RTCA: variants seen among roughly 807,000 people sequenced by gnomAD.
RTCA encodes the protein RNA terminal phosphate cyclase domain 1.
Under a neutral mutation model 46.1 loss-of-function variants are expected in RTCA, and 37 were observed. The observed-to-expected ratio is 0.80, with a 90% CI of 0.62 to 1.06. The LOEUF is 1.06. RTCA is among the 50% of genes least tolerant of loss of function. The pLI is 0.00. For missense variants in RTCA, 435 were observed against 455.5 expected (o/e 0.95, Z 0.41); for synonymous variants, 164 against 158.3 (o/e 1.04, Z -0.27).
chr1:100,281,596 G>T (rs1475832010), intron 8 of RTCA, among the ~76,000 whole-genome samples: 3 of 152,194 alleles, frequency 2.0e-5, no homozygotes, highest in Non-Finnish European at 4.4e-5. Context: ...CTGCTGAAAT[G>T]AATTGTGCCT....
In RTCA at chr1:100,286,450, G is replaced by A. The variant is rs370476430; in HGVS notation, c.895-649G>A. Among the ~76,000 whole-genome samples the A allele has an allele frequency of 9.8e-3, 912 of 93,330 alleles. 20 individuals carry two copies. Among genetic ancestry groups the A allele is most frequent in the African/African-American group, 0.041 (846 of 20,410 alleles). The allele number at this position is 93,330 out of a possible 152,430, so 61.2% of individuals were successfully genotyped here. ...AGCCTGGGTGGCAGAGCAAGACTCC[G>A]TCTCAAAAAAAAAAAAAAAAAAAAA... On this transcript the variant is annotated intron_variant, in intron 9 of 10. Transcript: ENST00000370128.
intron 10 of RTCA, among the ~76,000 whole-genome samples, chr1:100,288,510 G>T (rs1667155876): frequency 6.6e-6 from 1 of 151,858 alleles, no homozygotes; most frequent in Non-Finnish European, 1.5e-5. Flanking sequence ...TCCCACCGCA[G>T]CCTCCCAAGT....
chr1:100,268,510 C>T (rs1382584900), intron 3 of RTCA, among the ~76,000 whole-genome samples: 1 of 152,134 alleles, frequency 6.6e-6, no homozygotes, highest in African/African-American at 2.4e-5. Context: ...GTCCTCCCAC[C>T]TCAGCCTCCT....
chr1:100,267,984 A>C, intron 2 of RTCA, 168 bp from the exon 3 acceptor site: 1 of 760,394 alleles, frequency 1.3e-6, no homozygotes, highest in Non-Finnish European at 2.1e-6. Flanking sequence ...ACTAGCAGGT[A>C]GTCTAGGTGC....
rs780390312 is a variant in RTCA, at chr1:100,274,941, C to T, written c.591C>T (p.Phe197=). The change falls in exon 6 of 11, where the codon TTC becomes TTT. Residue 197 remains phenylalanine, a synonymous_variant. Transcript: ENST00000370128. The stretch of plus-strand genomic sequence containing the variant: ...TGACTAAGATATATGGAAGAGCTTT[C>T]GTTGCTGGTGTTTTGCCATTTAAAG... ...GCVTKIYGRA[F]VAGVLPFKVA... The T allele has an allele frequency of 8.1e-6, 13 of 1,608,446 alleles. No individual in the cohort carries two copies. Among genetic ancestry groups the T allele is most frequent in the Middle Eastern group, 1.7e-4 (1 of 6,038 alleles).
chr1:100,268,036 T>A, intron 2 of RTCA, 116 bp from the exon 3 acceptor site: 5 of 1,439,268 alleles, frequency 3.5e-6, no homozygotes, highest in Non-Finnish European at 4.7e-6. Context: ...ATGTGGCACT[T>A]ACTGTGGTTA....
At chr1:100,277,907 A>G (rs1206695850) in intron 8 of RTCA, among the ~76,000 whole-genome samples, 8 of 151,942 alleles carry the variant, frequency 5.3e-5, no homozygotes, top group Admixed American at 5.2e-4. Flanking sequence ...TGATACTGAC[A>G]TTTTTAAGAG....
chr1:100,283,969 A>G (rs1228148995), intron 8 of RTCA, among the ~76,000 whole-genome samples: 2 of 133,218 alleles, frequency 1.5e-5, no homozygotes, highest in Non-Finnish European at 3.4e-5. Flanking sequence ...AGAAAAAACA[A>G]GAAAAACAAA....
intron 8 of RTCA, chr1:100,281,170 C>G (rs1570885668): frequency 9.5e-6 from 5 of 526,094 alleles, no homozygotes; most frequent in East Asian, 5.5e-5. Flanking sequence ...CCATTTTGAT[C>G]TTAGTTTCCT....
chr1:100,282,184 C>T (rs1177371871), intron 8 of RTCA, among the ~76,000 whole-genome samples: 3 of 152,178 alleles, frequency 2.0e-5, no homozygotes, highest in East Asian at 1.9e-4. Flanking sequence ...TTATTATGTT[C>T]AGTTGCTACA....
At position 100,281,516 on chromosome 1, in the gene RTCA, G is replaced by T. The variant is rs577275685; in HGVS notation, c.800-3712G>T. On this transcript the variant is annotated intron_variant, in intron 8 of 10. Transcript: ENST00000370128. ...ATGTGTTTTGTCTTTCCATTGTTGC[G>T]TATCTGTGTGATCTTTCATTACTCT... Among the ~76,000 whole-genome samples, 5 of 152,072 alleles carry T rather than the reference G, an allele frequency of 3.3e-5. No homozygotes were observed. The East Asian group carries it at 9.6e-4, about 29-fold the overall frequency.
chr1:100,283,160 CTT>C (rs71084815), intron 8 of RTCA, among the ~76,000 whole-genome samples: 1,768 of 102,112 alleles, frequency 0.017, 36 homozygotes, highest in South Asian at 0.042. Flanking sequence ...CCAAATATTC[CTT>C]TTTTTTTTTT....
rs1382444497 is a variant in RTCA at position 100,291,734 on chromosome 1, A to G, written c.*230A>G. 3 of 282,422 alleles carry G rather than the reference A, an allele frequency of 1.1e-5. No individual in the cohort carries two copies. Among genetic ancestry groups the G allele is most frequent in the East Asian group, 6.2e-5 (1 of 16,246 alleles). 17.5% of individuals were successfully genotyped at this position (282,422 alleles called of 1,614,324 possible). A position where few individuals can be genotyped will look rare whatever the true frequency, so the allele number is the denominator to read the frequency against. On this transcript the variant is annotated 3_prime_UTR_variant, in exon 11 of 11. Coordinates refer to ENST00000370128, the MANE Select transcript of RTCA (RefSeq NM_003729.4). ...TGGATATGTGTGATAGCTGATTTCA[A>G]TATTGAAGTATTGAAATAAAATATT... is the stretch of plus-strand genomic sequence containing the variant.
At chr1:100,285,401 T>C in intron 9 of RTCA, 79 bp downstream of exon 9, 3 of 991,568 alleles carry the variant, frequency 3.0e-6, no homozygotes, top group Non-Finnish European at 3.1e-6. Flanking sequence ...ATTTAAATAA[T>C]TGACTTTCAG....
At chr1:100,290,222 A>T (rs531258068) in intron 10 of RTCA, among the ~76,000 whole-genome samples, 3 of 152,252 alleles carry the variant, frequency 2.0e-5, no homozygotes, top group East Asian at 3.9e-4. Context: ...TTTTAGGCAT[A>T]TTTGAAATCC....
At chr1:100,273,497 A>T in intron 5 of RTCA, 45 bp downstream of exon 5, 1 of 1,249,606 alleles carries the variant, frequency 8.0e-7, no homozygotes, top group Non-Finnish European at 1.1e-6. Context: ...TACTTACGCT[A>T]GAAGTAGTGG....
chr1:100,267,649 TAG>T, intron 2 of RTCA: 2 of 964,390 alleles, frequency 2.1e-6, no homozygotes, highest in Non-Finnish European at 2.6e-6. Flanking sequence ...CTGTATGTTC[TAG>T]TTTTTTTTTT....
chr1:100,267,603 A>G lies in RTCA; in HGVS notation c.147-549A>G, dbSNP rs761962689. 4.7e-6 allele frequency: 7 copies of G among 1,485,060 alleles called. No homozygotes were observed. The South Asian group carries it at 5.3e-5, about 11-fold the overall frequency. The allele number at this position is 1,485,060 out of a possible 1,614,324, so 92.0% of individuals were successfully genotyped here. ...CAGGCCTGTCTTTTTGCCTCTTCAC[A>G]TGGTGGTTCCTCTGTGTACCTTGCC... is the stretch of plus-strand genomic sequence containing the variant. On this transcript the variant is annotated intron_variant, in intron 2 of 10. Coordinates refer to ENST00000370128, the MANE Select transcript of RTCA (RefSeq NM_003729.4).
At chr1:100,289,970 A>G (rs1294462676) in intron 10 of RTCA, among the ~76,000 whole-genome samples, 4 of 152,218 alleles carry the variant, frequency 2.6e-5, no homozygotes, top group South Asian at 2.1e-4. Context: ...CGTGTGTTTC[A>G]TATTTACATA....
Sources: allele counts gnomAD v4.1 joint callset (sites outside exome capture counted in the v4.1 genomes callset), GRCh38; gene constraint gnomAD v4.1.1; transcripts MANE v1.5; gene names NCBI Gene and HGNC (gene_info 2026-07-23, HGNC 2026-07-21).